Variants in CDH13 observed in about 807,000 individuals in gnomAD.
CDH13 encodes the protein cadherin 13.
Under a neutral mutation model 63.8 loss-of-function variants are expected in CDH13, and 24 were observed. That is an observed-to-expected ratio of 0.38 (90% CI 0.27 to 0.53). The LOEUF is 0.53. Ranked by LOEUF, CDH13 falls within the 20% of genes least tolerant of loss-of-function variation. The pLI is 0.85. For missense variants in CDH13, 1,049 were observed against 903.1 expected, an observed-to-expected ratio of 1.16 and a Z score of -2.07; for synonymous variants, 503 against 355.3, an observed-to-expected ratio of 1.42 and a Z score of -4.67.
At chr16:82,724,394 C>G (rs2032969026) in intron 1 of CDH13, among the ~76,000 whole-genome samples, 3 of 152,010 alleles carry the variant, frequency 2.0e-5, no homozygotes, top group East Asian at 1.9e-4. Flanking sequence ...ATGACTAGTC[C>G]TTTTTAATTC....
intron 4 of CDH13, among the ~76,000 whole-genome samples, chr16:83,194,118 G>A (rs924609894): frequency 2.6e-5 from 4 of 152,198 alleles, no homozygotes; most frequent in African/African-American, 4.8e-5. Context: ...CAACCTTTGC[G>A]AATATGAAGA....
chr16:83,562,493 T>C lies in CDH13; in HGVS notation c.961-39961T>C, dbSNP rs73607850. Among the ~76,000 whole-genome samples the C allele has an allele frequency of 1.8e-3, 268 of 152,370 alleles. 1 individual carries two copies. The highest frequency in any genetic ancestry group is 6.2e-3 in the African/African-American group (257 of 41,594). ...TATGTATTTTTAGATGTTTAATTTC[T>C]ATTTGCCTATTTCATGAAAGATTGG... On this transcript the variant is annotated intron_variant, in intron 7 of 13. Coordinates refer to ENST00000567109, the MANE Select transcript of CDH13 (RefSeq NM_001257.5).
At chr16:83,430,149 C>A (rs2072051449) in intron 6 of CDH13, among the ~76,000 whole-genome samples, 1 of 152,180 alleles carries the variant, frequency 6.6e-6, no homozygotes, top group Admixed American at 6.5e-5. Flanking sequence ...ATATCAGGAT[C>A]TTGAGGACGT....
At chr16:82,704,091 C>T (rs933776893) in intron 1 of CDH13, among the ~76,000 whole-genome samples, 4 of 152,010 alleles carry the variant, frequency 2.6e-5, no homozygotes, top group Admixed American at 6.6e-5. Context: ...TTGAAAAAGG[C>T]AGGTGGCGTG....
At chr16:83,257,058 G>A (rs1906383116) in intron 5 of CDH13, among the ~76,000 whole-genome samples, 1 of 152,026 alleles carries the variant, frequency 6.6e-6, no homozygotes, top group South Asian at 2.1e-4. Flanking sequence ...GTAATGATAA[G>A]TAATGACTGA....
intron 1 of CDH13, among the ~76,000 whole-genome samples, chr16:82,681,794 A>T (rs1182360940): frequency 6.6e-6 from 1 of 152,192 alleles, no homozygotes; most frequent in Non-Finnish European, 1.5e-5. Flanking sequence ...CAGGAGCAGC[A>T]CTCGGGTGAG....
At chr16:82,991,097 A>G (rs1275203489) in intron 2 of CDH13, among the ~76,000 whole-genome samples, 1 of 152,178 alleles carries the variant, frequency 6.6e-6, no homozygotes, top group Admixed American at 6.5e-5. Flanking sequence ...AAAGTCCAGA[A>G]GCACATCTGA....
At chr16:83,334,548 A>AT (rs2090551663) in intron 5 of CDH13, among the ~76,000 whole-genome samples, 1 of 151,218 alleles carries the variant, frequency 6.6e-6, no homozygotes, top group Non-Finnish European at 1.5e-5. Flanking sequence ...GTTTAAAAAA[A>AT]AAAAAATACA....
At chr16:82,771,720 T>C (rs899652263) in intron 1 of CDH13, among the ~76,000 whole-genome samples, 2 of 152,144 alleles carry the variant, frequency 1.3e-5, no homozygotes, top group East Asian at 3.9e-4. Flanking sequence ...GGATGAGAAT[T>C]TGTGTTAAAG....
At chr16:83,199,526 CA>C (rs2038965930) in intron 4 of CDH13, among the ~76,000 whole-genome samples, 1 of 152,204 alleles carries the variant, frequency 6.6e-6, no homozygotes, top group African/African-American at 2.4e-5. Context: ...CAATAGAAAC[CA>C]CCAGGTAAAA....
rs183678356 is a variant in CDH13, at chr16:83,058,860, G to A, written c.366+26642G>A. Among the ~76,000 whole-genome samples the A allele has an allele frequency of 2.2e-4, 34 of 152,268 alleles. 1 individual carries two copies. The East Asian group carries it at 6.0e-3, about 27-fold the overall frequency. ...GGTGATGAGATTATCTCTCTTCCAG[G>A]ACTCTAACAAGGCTTTGCAAGGATA... On this transcript the variant is annotated intron_variant, in intron 3 of 13. Coordinates refer to ENST00000567109, the MANE Select transcript of CDH13 (RefSeq NM_001257.5).
At chr16:82,660,442 G>T (rs191250035) in intron 1 of CDH13, among the ~76,000 whole-genome samples, 4 of 139,182 alleles carry the variant, frequency 2.9e-5, no homozygotes, top group East Asian at 4.7e-4. Context: ...CTGCCGGGGC[G>T]TGCGGGGAAA....
At chr16:82,998,551 A>G (rs937533633) in intron 2 of CDH13, among the ~76,000 whole-genome samples, 1 of 152,096 alleles carries the variant, frequency 6.6e-6, no homozygotes, top group African/African-American at 2.4e-5. Flanking sequence ...TCTTGACTTC[A>G]TCTGTCCTCA....
At chr16:82,847,062 A>T (rs192318823) in intron 1 of CDH13, among the ~76,000 whole-genome samples, 2 of 152,110 alleles carry the variant, frequency 1.3e-5, no homozygotes, top group East Asian at 3.9e-4. Context: ...CTCGCCTTCA[A>T]ATTCCCTCTC....
At chr16:83,021,262 A>G (rs1198866342) in intron 2 of CDH13, among the ~76,000 whole-genome samples, 3 of 152,212 alleles carry the variant, frequency 2.0e-5, no homozygotes, top group Admixed American at 6.5e-5. Context: ...CTATTTATTC[A>G]TTCAACAAAC....
chr16:82,828,370 G>C (rs2549154), intron 1 of CDH13, among the ~76,000 whole-genome samples: 85,732 of 151,960 alleles, frequency 0.56, 25,339 homozygotes, highest in East Asian at 0.93. Context: ...GTAATCCCAA[G>C]ACTTTGGGAG....
chr16:83,281,024 T>C (rs762418609), intron 5 of CDH13, among the ~76,000 whole-genome samples: 1 of 152,222 alleles, frequency 6.6e-6, no homozygotes, highest in African/African-American at 2.4e-5. Flanking sequence ...TTTGCTTCAA[T>C]TTTACCCCCT....
rs149626610 is a variant in CDH13, at chr16:82,958,149, C to T, written c.158-73861C>T. On this transcript the variant is annotated intron_variant, in intron 2 of 13. Coordinates refer to ENST00000567109, the MANE Select transcript of CDH13 (RefSeq NM_001257.5). ...AAATCCCAATTCTACCCATTCCTGGCTGTCAGATCTTGGAAAAGATTCTTG... is the reference window on the plus strand; with the variant it reads ...AAATCCCAATTCTACCCATTCCTGGTTGTCAGATCTTGGAAAAGATTCTTG... Among the ~76,000 whole-genome samples, 158 of 152,322 alleles carry T rather than the reference C, an allele frequency of 1.0e-3. 1 individual carries two copies. Among genetic ancestry groups the T allele is most frequent in the African/African-American group, 3.7e-3 (152 of 41,584 alleles).
At chr16:83,764,316 A>G (rs1034047358) in intron 11 of CDH13, among the ~76,000 whole-genome samples, 2 of 152,200 alleles carry the variant, frequency 1.3e-5, no homozygotes, top group African/African-American at 2.4e-5. Context: ...GGACGTTGGC[A>G]TCAATTCATG....
Sources: allele counts gnomAD v4.1 joint callset (sites outside exome capture counted in the v4.1 genomes callset), GRCh38; gene constraint gnomAD v4.1.1; transcripts MANE v1.5; gene names NCBI Gene and HGNC (gene_info 2026-07-23, HGNC 2026-07-21).